Variants in WWP2 observed in about 807,000 individuals in gnomAD.
WWP2 encodes the protein WW domain containing E3 ubiquitin protein ligase 2.
In WWP2, 57 loss-of-function variants were observed where a neutral mutation model predicts 121.0. The observed-to-expected ratio is 0.47, with a 90% CI of 0.38 to 0.59. WWP2 has a LOEUF of 0.59. Among genes scored for constraint, WWP2 ranks in the 20% least tolerant of loss-of-function variants. The pLI, the probability that WWP2 is intolerant of heterozygous loss-of-function variation, is 0.00. For missense variants in WWP2, 962 were observed against 1,158.9 expected, an observed-to-expected ratio of 0.83 and a Z score of 2.47; for synonymous variants, 449 against 441.3, an observed-to-expected ratio of 1.02 and a Z score of -0.22.
chr16:69,786,768 T>C (rs1367678482), intron 1 of WWP2, among the ~76,000 whole-genome samples: 1 of 152,106 alleles, frequency 6.6e-6, no homozygotes, highest in African/African-American at 2.4e-5. Context: ...CTTAGTAGAC[T>C]CTGCCTCCTC....
intron 16 of WWP2, among the ~76,000 whole-genome samples, chr16:69,932,717 C>T (rs2058735188): frequency 6.6e-6 from 1 of 152,194 alleles, no homozygotes; most frequent in Non-Finnish European, 1.5e-5. Flanking sequence ...TGTCACATGC[C>T]TGGGGTCAGT....
intron 4 of WWP2, among the ~76,000 whole-genome samples, chr16:69,807,647 AAAG>A (rs1217354905): frequency 3.4e-5 from 5 of 148,556 alleles, no homozygotes; most frequent in Non-Finnish European, 5.9e-5. Context: ...AAAAAAAAGA[AAAG>A]AAAAAGGAAA....
intron 6 of WWP2, among the ~76,000 whole-genome samples, chr16:69,848,706 G>T (rs2057138209): frequency 6.7e-6 from 1 of 149,568 alleles, no homozygotes; most frequent in African/African-American, 2.5e-5. Flanking sequence ...CCTTTCTTAT[G>T]TGTATATGTA....
At chr16:69,864,074 C>A (rs2057475291) in intron 6 of WWP2, among the ~76,000 whole-genome samples, 2 of 152,046 alleles carry the variant, frequency 1.3e-5, no homozygotes, top group South Asian at 4.1e-4. Context: ...GGGTAAATAC[C>A]TAGGAGAGGC....
At chr16:69,842,482 C>T (rs116162199) in intron 6 of WWP2, among the ~76,000 whole-genome samples, 1,734 of 152,118 alleles carry the variant, frequency 0.011, 25 homozygotes, top group African/African-American at 0.037. Flanking sequence ...TGCTCCTCTC[C>T]CTCCTTGTTT....
At chr16:69,880,247 G>A (rs1231804064) in intron 7 of WWP2, among the ~76,000 whole-genome samples, 12 of 151,328 alleles carry the variant, frequency 7.9e-5, no homozygotes. Flanking sequence ...AAGACATTAA[G>A]TAAACAGTGT....
intron 10 of WWP2, among the ~76,000 whole-genome samples, chr16:69,920,178 C>T (rs2058538711): frequency 6.6e-6 from 1 of 152,114 alleles, no homozygotes. Context: ...ATGGATTGCT[C>T]ATTGTACAGG....
intron 9 of WWP2, among the ~76,000 whole-genome samples, chr16:69,915,109 G>A (rs2058460245): frequency 6.6e-6 from 1 of 152,224 alleles, no homozygotes; most frequent in South Asian, 2.1e-4. Context: ...GAGAGAGGAA[G>A]GCCACTGCCA....
intron 7 of WWP2, among the ~76,000 whole-genome samples, chr16:69,874,046 G>A (rs1170490243): frequency 2.6e-5 from 4 of 152,144 alleles, no homozygotes; most frequent in Non-Finnish European, 5.9e-5. Context: ...CCTTGGAAGT[G>A]TTTCATGGTG....
rs1190661994 is a variant in WWP2 at position 69,937,288 on chromosome 16, C to A, written c.2238+50C>A. On this transcript the variant is annotated intron_variant, in intron 20 of 23. Coordinates refer to ENST00000359154, the MANE Select transcript of WWP2 (RefSeq NM_001270454.2). The surrounding 1 kb of genome is among the most constrained non-coding windows in gnomAD (Gnocchi z 6.6). ...CCTGAGCCCCTGCCTCTGGGGCGAT[C>A]CTGCTCTGTGATACGCTCACTGTGT... 6.2e-7 allele frequency: 1 copy of A among 1,604,996 alleles called. No homozygotes were observed. Among genetic ancestry groups the A allele is most frequent in the Admixed American group, 1.7e-5 (1 of 59,598 alleles).
At chr16:69,834,356 A>G (rs1233902320) in intron 4 of WWP2, among the ~76,000 whole-genome samples, 1 of 151,950 alleles carries the variant, frequency 6.6e-6, no homozygotes, top group Non-Finnish European at 1.5e-5. Flanking sequence ...TACCCACGTG[A>G]CTTCCCCCAT....
rs1307538180 is a variant in WWP2, at chr16:69,842,036, C to T, written c.491C>T (p.Pro164Leu). 2 of 1,612,984 alleles carry T rather than the reference C, an allele frequency of 1.2e-6. No homozygotes were observed. Among genetic ancestry groups the T allele is most frequent in the South Asian group, 2.2e-5 (2 of 90,924 alleles). Residue 164 changes from proline (P) to leucine (L), a missense_variant, in exon 6 of 24, where the codon CCT (proline) becomes CTT (leucine). Physicochemically the swap from Pro to Leu is moderately conservative, Grantham distance 98. Around this residue, in one of 3 missense-constraint regions of WWP2, gnomAD observed 211 missense variants for 196.5 expected, o/e 1.07. Transcript: ENST00000359154. ...GATTCCTTTCTAGGATCACAGCTGC[C>T]TTCGAGAGACTCCAGTGGAACAGCA... ...GSALTDGSQLPSRDSSGTAVA... is the reference protein window; with the variant it reads ...GSALTDGSQLLSRDSSGTAVA...
intron 19 of WWP2, 118 bp downstream of exon 19, chr16:69,936,570 G>A: frequency 7.6e-6 from 11 of 1,440,710 alleles, no homozygotes; most frequent in East Asian, 2.4e-5. Flanking sequence ...ATTTGCATTT[G>A]CCTTGATGGT....
Position 69,937,330 on chromosome 16 carries a change from C to T in WWP2, c.2238+92C>T, listed in dbSNP as rs1470729782. On this transcript the variant is annotated intron_variant, in intron 20 of 23. Coordinates refer to ENST00000359154, the MANE Select transcript of WWP2 (RefSeq NM_001270454.2). This position sits in a 1 kb window ranked among gnomAD's most constrained non-coding sequence, Gnocchi z 6.6. ...TCACTGTGTACCCACAGACACTCAG[C>T]GTAAAACTCCCACTTCGGCAGGGCA... is the stretch of plus-strand genomic sequence containing the variant. The T allele has an allele frequency of 1.2e-5, 18 of 1,552,428 alleles. No homozygotes were observed. The highest frequency in any genetic ancestry group is 1.8e-5 in the Admixed American group (1 of 54,798).
chr16:69,939,352 C>T lies in WWP2; in HGVS notation c.2452C>T (p.Pro818Ser). Residue 818 changes from proline (P) to serine (S), a missense_variant, in exon 23 of 24, where the codon CCA (proline) becomes TCA (serine). This residue lies in a region of WWP2 where 606 missense variants were observed against 772.6 expected (regional missense o/e 0.78). Coordinates refer to ENST00000359154, the MANE Select transcript of WWP2 (RefSeq NM_001270454.2). ...GFAELIGSNG[P>S]QKFCIDKVGK... Reference sequence around the variant, plus strand: ...ACCTTGGATCACAGGTAGCAACGGACCACAGAAGTTTTGCATTGACAAAGT... The same window carrying T: ...ACCTTGGATCACAGGTAGCAACGGATCACAGAAGTTTTGCATTGACAAAGT... 6.2e-7 allele frequency: 1 copy of T among 1,614,186 alleles called. No homozygotes were observed. The highest frequency in any genetic ancestry group is 8.5e-7 in the Non-Finnish European group (1 of 1,180,030).
In WWP2 at chr16:69,936,397, A is replaced by C. The variant is rs1195214760; in HGVS notation, c.2062A>C (p.Lys688Gln). The C allele has an allele frequency of 6.2e-7, 1 of 1,613,962 alleles. No individual in the cohort carries two copies. Among genetic ancestry groups the C allele is most frequent in the Non-Finnish European group, 8.5e-7 (1 of 1,180,014 alleles). ...GGGCAAGGTGACGACCCACGAGCTG[A>C]AGGAGGGCGGCGAGAGCATCCGGGT... ...ILGKVTTHELKEGGESIRVTE... is the reference protein window; with the variant it reads ...ILGKVTTHELQEGGESIRVTE... Residue 688 changes from lysine to glutamine, a missense_variant, in exon 19 of 24, where the codon AAG becomes CAG. Lys to Gln is a moderately conservative substitution (Grantham distance 53, BLOSUM62 1). Transcript: ENST00000359154.
intron 8 of WWP2, among the ~76,000 whole-genome samples, chr16:69,888,504 G>T (rs2057968415): frequency 6.6e-6 from 1 of 152,144 alleles, no homozygotes; most frequent in Admixed American, 6.6e-5. Context: ...CAAAGAGTGT[G>T]GCTTTTACGG....
chr16:69,766,183 C>A (rs1165412333), intron 1 of WWP2, among the ~76,000 whole-genome samples: 1 of 152,140 alleles, frequency 6.6e-6, no homozygotes, highest in Non-Finnish European at 1.5e-5. Context: ...TCCAGTTGTT[C>A]AAGCCAAAGA....
intron 4 of WWP2, among the ~76,000 whole-genome samples, chr16:69,807,648 A>AAG (rs2056309482): frequency 6.9e-6 from 1 of 145,638 alleles, no homozygotes; most frequent in Non-Finnish European, 1.5e-5. Flanking sequence ...AAAAAAAGAA[A>AAG]AGAAAAAGGA....
Sources: gnomAD v4.1 joint callset for allele counts (sites outside exome capture counted in the v4.1 genomes callset) on GRCh38, gnomAD v4.1.1 for gene constraint, gnomAD v4.1.1 regional missense constraint, Gnocchi (gnomAD v3.1) non-coding constraint, MANE v1.5 for transcripts, NCBI Gene and HGNC (gene_info 2026-07-23, HGNC 2026-07-21) for gene names.